The following PCNX2 variants were observed in gnomAD, a reference collection of about 807,000 sequenced individuals.
PCNX2 encodes pecanex-like protein 2.
In PCNX2, 168 loss-of-function variants were observed where a neutral mutation model predicts 223.8. That is an observed-to-expected ratio of 0.75 (90% confidence interval 0.66 to 0.85). The LOEUF (loss-of-function observed/expected upper bound fraction) is 0.85, where lower values mean the gene tolerates loss of function less well. PCNX2 is among the 40% of genes least tolerant of loss of function. The pLI is 0.00. For missense variants in PCNX2, 2,507 were observed against 2,675.5 expected, an observed-to-expected ratio of 0.94 and a Z score of 1.39; for synonymous variants, 1,006 against 1,052.6, an observed-to-expected ratio of 0.96 and a Z score of 0.86.
chr1:233,227,602 C>T (rs1657821435), intron 9 of PCNX2, among the ~76,000 whole-genome samples: 1 of 152,154 alleles, frequency 6.6e-6, no homozygotes. Context: ...TACCAACATA[C>T]TTCAATTTCT....
intron 15 of PCNX2, among the ~76,000 whole-genome samples, chr1:233,196,887 A>C (rs1309787184): frequency 1.3e-5 from 2 of 152,182 alleles, no homozygotes; most frequent in East Asian, 3.8e-4. Flanking sequence ...TTGTGTGGAG[A>C]GGGGACTGAC....
At chr1:233,041,884 T>C (rs1296201936) in intron 25 of PCNX2, among the ~76,000 whole-genome samples, 2 of 152,244 alleles carry the variant, frequency 1.3e-5, no homozygotes, top group African/African-American at 4.8e-5. Context: ...ATTGCCCACA[T>C]AGGTGGCCGA....
chr1:233,099,181 A>G (rs1191752089), intron 21 of PCNX2, among the ~76,000 whole-genome samples: 3 of 152,186 alleles, frequency 2.0e-5, no homozygotes, highest in Admixed American at 2.0e-4. Flanking sequence ...CAACTTTACC[A>G]TGCCTCCTTG....
chr1:233,150,808 G>A (rs12093840), intron 19 of PCNX2, among the ~76,000 whole-genome samples: 8,179 of 151,852 alleles, frequency 0.054, 681 homozygotes, highest in African/African-American at 0.18. Flanking sequence ...CTCAAAAAGC[G>A]GGAGAAACTC....
intron 15 of PCNX2, among the ~76,000 whole-genome samples, chr1:233,188,327 C>A (rs1680222896): frequency 1.3e-5 from 2 of 152,114 alleles, no homozygotes; most frequent in South Asian, 4.1e-4. Flanking sequence ...CTCCTAGAGG[C>A]CTTTGCTCTG....
At chr1:233,202,991 T>C (rs746428055) in intron 13 of PCNX2, among the ~76,000 whole-genome samples, 1 of 152,230 alleles carries the variant, frequency 6.6e-6, no homozygotes, top group African/African-American at 2.4e-5. Context: ...CTGGCTTCTT[T>C]GTACTGAGCT....
intron 21 of PCNX2, among the ~76,000 whole-genome samples, chr1:233,130,116 A>C (rs1355769687): frequency 6.6e-6 from 1 of 152,056 alleles, no homozygotes; most frequent in Non-Finnish European, 1.5e-5. Context: ...CTGCAGCCTC[A>C]CTCCTGAAGC....
chr1:233,089,481 C>T (rs1056123647), intron 23 of PCNX2, among the ~76,000 whole-genome samples: 5 of 152,128 alleles, frequency 3.3e-5, no homozygotes, highest in African/African-American at 4.8e-5. Context: ...CTCACCTTCC[C>T]GTAAGAATAA....
intron 25 of PCNX2, among the ~76,000 whole-genome samples, chr1:233,030,167 A>G (rs2102841279): frequency 6.6e-6 from 1 of 152,308 alleles, no homozygotes; most frequent in Non-Finnish European, 1.5e-5. Context: ...TAGTCTCTAC[A>G]GCCTTGAGTT....
At chr1:233,069,182 A>G (rs1003319688) in intron 23 of PCNX2, among the ~76,000 whole-genome samples, 1 of 152,184 alleles carries the variant, frequency 6.6e-6, no homozygotes, top group African/African-American at 2.4e-5. Flanking sequence ...AATATGCATA[A>G]GTCAAACAAC....
chr1:233,168,198 A>G (rs1178193329), intron 17 of PCNX2, among the ~76,000 whole-genome samples: 2 of 152,132 alleles, frequency 1.3e-5, no homozygotes, highest in Non-Finnish European at 2.9e-5. Flanking sequence ...TAAGTTTCCC[A>G]TTATAGAATA....
chr1:233,154,815 T>C (rs1678016403), intron 19 of PCNX2, among the ~76,000 whole-genome samples: 2 of 152,130 alleles, frequency 1.3e-5, no homozygotes, highest in Admixed American at 1.3e-4. Context: ...ACGCCCATAA[T>C]CCCAGCACTT....
chr1:233,211,019 C>T (rs983757738), intron 12 of PCNX2, among the ~76,000 whole-genome samples: 44 of 152,196 alleles, frequency 2.9e-4, no homozygotes, highest in African/African-American at 9.2e-4. Flanking sequence ...GTGCCTGTGG[C>T]TAAGTGACGA....
At chr1:233,262,905 A>G (rs1050249823) in intron 2 of PCNX2, 53 bp downstream of exon 2, 15 of 1,562,374 alleles carry the variant, frequency 9.6e-6, no homozygotes, top group East Asian at 4.5e-5. Context: ...ACTTATTTTA[A>G]TCAAGAGCAA....
intron 28 of PCNX2, among the ~76,000 whole-genome samples, chr1:233,009,811 C>T (rs1226224203): frequency 6.6e-6 from 1 of 152,138 alleles, no homozygotes; most frequent in Admixed American, 6.5e-5. Flanking sequence ...CCTGGGGTCT[C>T]CTAAAGATGG....
chr1:232,989,502 TC>T (rs1669621088), intron 32 of PCNX2, among the ~76,000 whole-genome samples: 1 of 151,658 alleles, frequency 6.6e-6, no homozygotes, highest in South Asian at 2.1e-4. Context: ...AGGGTCTCTG[TC>T]ATGCCCTTCC....
At chr1:233,005,452 A>G (rs993532738) in intron 28 of PCNX2, among the ~76,000 whole-genome samples, 56 of 152,316 alleles carry the variant, frequency 3.7e-4, no homozygotes, top group African/African-American at 1.2e-3. Context: ...CTTGAGTTCC[A>G]TCAAAGGCCA....
chr1:233,171,978 G>T (rs1378448133), intron 17 of PCNX2, among the ~76,000 whole-genome samples: 1 of 151,942 alleles, frequency 6.6e-6, no homozygotes, highest in Non-Finnish European at 1.5e-5. Flanking sequence ...CCCATGTGTG[G>T]GGTGTGTGGT....
intron 23 of PCNX2, among the ~76,000 whole-genome samples, chr1:233,075,085 TATCTC>T (rs1673033045): frequency 2.6e-5 from 4 of 152,276 alleles, no homozygotes; most frequent in African/African-American, 7.2e-5. Context: ...TCTTGGAAAT[TATCTC>T]AGAGAAGTGA....
Sources: allele counts gnomAD v4.1 joint callset (sites outside exome capture counted in the v4.1 genomes callset), GRCh38; gene constraint gnomAD v4.1.1; transcripts MANE v1.5; gene names NCBI Gene and HGNC (gene_info 2026-07-23, HGNC 2026-07-21).